The following COPG1 variants were observed in gnomAD, a reference collection of about 807,000 sequenced individuals.
COPG1 encodes coatomer subunit gamma-1.
In COPG1, 29 loss-of-function variants were observed where a neutral mutation model predicts 102.8. The observed-to-expected ratio is 0.28, with a 90% CI of 0.21 to 0.38. The LOEUF (loss-of-function observed/expected upper bound fraction) is 0.38. Among genes scored for constraint, COPG1 ranks in the 10% least tolerant of loss-of-function variants. The pLI, the probability that COPG1 is intolerant of heterozygous loss-of-function variation, is 1.00. For missense variants in COPG1, 875 were observed against 1,132.7 expected, an observed-to-expected ratio of 0.77 and a Z score of 3.27; for synonymous variants, 406 against 421.6, an observed-to-expected ratio of 0.96 and a Z score of 0.45.
intron 4 of COPG1, 80 bp downstream of exon 4, chr3:129,252,774 C>A: frequency 6.5e-7 from 1 of 1,540,958 alleles, no homozygotes; most frequent in Non-Finnish European, 9.0e-7. Context: ...GCTGGCCCCA[C>A]CAGTCAGTGT....
chr3:129,264,138 T>C (rs1266162358), intron 13 of COPG1, 139 bp downstream of exon 13: 1 of 706,966 alleles, frequency 1.4e-6, no homozygotes, highest in Non-Finnish European at 2.5e-6. Context: ...TGCAACCCTT[T>C]AAACTCCTTG....
intron 5 of COPG1, among the ~76,000 whole-genome samples, chr3:129,253,837 T>G (rs1446950170): frequency 6.6e-6 from 1 of 151,998 alleles, no homozygotes; most frequent in Non-Finnish European, 1.5e-5. Context: ...CCGTTTCTAC[T>G]AAAAATACAA....
intron 11 of COPG1, 41 bp downstream of exon 11, chr3:129,260,441 C>A: frequency 6.3e-7 from 1 of 1,594,730 alleles, no homozygotes; most frequent in Non-Finnish European, 8.6e-7. Context: ...CTGTCTGATC[C>A]AACTGGAGGT....
At position 129,274,856 on chromosome 3, in the gene COPG1, A is replaced by G; in HGVS notation, c.2275A>G (p.Thr759Ala). ...DEYVLEDLEV[T>A]VADHIQKVMK... ...TCTCCAGCTGGAAGATCTGGAAGTT[A>G]CTGTAGCTGATCACATTCAAAAGGT... is the stretch of plus-strand genomic sequence containing the variant. The change falls in exon 22 of 24, where the codon ACT becomes GCT. Residue 759 changes from threonine to alanine, a missense_variant. By Grantham distance (58) the Thr-to-Ala change is moderately conservative. Coordinates refer to ENST00000314797, the MANE Select transcript of COPG1 (RefSeq NM_016128.4). 6.2e-7 allele frequency: 1 copy of G among 1,614,160 alleles called. No homozygotes were observed. The highest frequency in any genetic ancestry group is 8.5e-7 in the Non-Finnish European group (1 of 1,180,016).
At position 129,275,677 on chromosome 3, in the gene COPG1, G is replaced by A. The variant is rs1940259020; in HGVS notation, c.2494+385G>A. ...GAGATCTTCCCCGTCAATATGTAGA[G>A]CTTCCTCATTCTTTTTCTTTTAATT... On this transcript the variant is annotated intron_variant, in intron 23 of 23. Coordinates refer to ENST00000314797, the MANE Select transcript of COPG1 (RefSeq NM_016128.4). The surrounding 1 kb of genome is among the most constrained non-coding windows in gnomAD (Gnocchi z 5.0). Among the ~76,000 whole-genome samples the A allele has an allele frequency of 6.6e-6, 1 of 152,122 alleles. No individual in the cohort carries two copies.
chr3:129,255,878 GT>G (rs1939799236), intron 7 of COPG1, among the ~76,000 whole-genome samples, 189 bp from the exon 8 acceptor site: 1 of 152,042 alleles, frequency 6.6e-6, no homozygotes, highest in Non-Finnish European at 1.5e-5. Context: ...AGAGTCGTGG[GT>G]GGATGGTGTT....
chr3:129,250,447 C>T (rs976733803), intron 1 of COPG1, among the ~76,000 whole-genome samples: 1 of 152,178 alleles, frequency 6.6e-6, no homozygotes, highest in Non-Finnish European at 1.5e-5. Context: ...ATGAGAAGCA[C>T]AGGACTGTAC....
At position 129,268,980 on chromosome 3, in the gene COPG1, C is replaced by T. The variant is rs578169274; in HGVS notation, c.1823C>T (p.Thr608Ile). 1.9e-6 allele frequency: 3 copies of T among 1,614,084 alleles called. No individual in the cohort carries two copies. In the South Asian group the frequency reaches 3.3e-5, roughly 18 times the overall value. Residue 608 changes from threonine to isoleucine, a missense_variant, in exon 18 of 24, where the codon ACC (threonine) becomes ATC (isoleucine). Physicochemically the swap from Thr to Ile is moderately conservative, Grantham distance 89. Transcript: ENST00000314797. The stretch of plus-strand genomic sequence containing the variant: ...AAACAGCCTGAGAAAGTGGCAGCTA[C>T]CAGGCAGGAGATCTTCCAGGGTGAG... ...AVKQPEKVAA[T>I]RQEIFQEQLA...
chr3:129,275,189 T>A lies in COPG1; in HGVS notation c.2396-5T>A, dbSNP rs1374919585. The A allele has an allele frequency of 6.2e-7, 1 of 1,613,112 alleles. No individual in the cohort carries two copies. The highest frequency in any genetic ancestry group is 1.3e-5 in the African/African-American group (1 of 74,904). The stretch of plus-strand genomic sequence containing the variant: ...GCTTAACAATATTGGGATTTCTCAT[T>A]ACAGAGGCTGTGGGTAATATTGTGA... On this transcript the variant is annotated splice_region_variant and splice_polypyrimidine_tract_variant and intron_variant, in intron 22 of 23. Transcript: ENST00000314797. The surrounding 1 kb of genome is among the most constrained non-coding windows in gnomAD (Gnocchi z 5.0).
At chr3:129,266,526 A>G (rs943741074) in intron 14 of COPG1, among the ~76,000 whole-genome samples, 1 of 152,186 alleles carries the variant, frequency 6.6e-6, no homozygotes, top group Non-Finnish European at 1.5e-5. Context: ...TCACCCATTT[A>G]TATAAAGTTT....
chr3:129,266,216 C>T (rs564992978), intron 14 of COPG1, among the ~76,000 whole-genome samples: 7 of 152,208 alleles, frequency 4.6e-5, no homozygotes, highest in Non-Finnish European at 5.9e-5. Context: ...ATCATCTGCC[C>T]GCCTCGGCCT....
intron 21 of COPG1, 85 bp downstream of exon 21, chr3:129,272,989 G>A (rs1940209877): frequency 3.1e-6 from 2 of 644,948 alleles, no homozygotes; most frequent in Admixed American, 2.8e-5. Flanking sequence ...GACTGGAGCT[G>A]TTTTTGGCTT....
intron 10 of COPG1, 98 bp downstream of exon 10, chr3:129,257,958 C>T: frequency 6.7e-7 from 1 of 1,493,640 alleles, no homozygotes; most frequent in African/African-American, 1.4e-5. Flanking sequence ...ATGCTCTTAA[C>T]AAGTGTTAAG....
At chr3:129,255,576 T>C (rs1939793231) in intron 7 of COPG1, among the ~76,000 whole-genome samples, 1 of 151,714 alleles carries the variant, frequency 6.6e-6, no homozygotes, top group Non-Finnish European at 1.5e-5. Flanking sequence ...TCTGCCTCCC[T>C]GGCTCAAGCG....
intron 1 of COPG1, 81 bp downstream of exon 1, chr3:129,249,827 G>C: frequency 6.9e-7 from 1 of 1,448,080 alleles, no homozygotes; most frequent in Non-Finnish European, 9.4e-7. Flanking sequence ...TCCTGACCCG[G>C]AGGCTGAGGC....
intron 5 of COPG1, 26 bp from the exon 6 acceptor site, chr3:129,254,642 T>C: frequency 6.2e-7 from 1 of 1,600,336 alleles, no homozygotes; most frequent in Non-Finnish European, 8.6e-7. Context: ...GCTCTCTGCA[T>C]GCTGACAATG....
chr3:129,257,649 C>A, intron 9 of COPG1, 22 bp downstream of exon 9: 1 of 1,614,132 alleles, frequency 6.2e-7, no homozygotes. Flanking sequence ...CATCTCTCAC[C>A]AGCTAGATGA....
intron 11 of COPG1, 100 bp downstream of exon 11, chr3:129,260,500 G>T: frequency 2.6e-6 from 4 of 1,511,736 alleles, no homozygotes; most frequent in South Asian, 1.2e-5. Context: ...CCTGGTCACA[G>T]TTAGTTTCTT....
chr3:129,257,603 A>G lies in COPG1; in HGVS notation c.713A>G (p.Lys238Arg). 1.2e-6 allele frequency: 2 copies of G among 1,614,232 alleles called. No homozygotes were observed. The highest frequency in any genetic ancestry group is 1.7e-6 in the Non-Finnish European group (2 of 1,180,038). The change falls in exon 9 of 24, where the codon AAG (lysine) becomes AGG (arginine). Residue 238 changes from lysine (K) to arginine (R), a missense_variant. Physicochemically the swap from Lys to Arg is conservative, Grantham distance 26 (BLOSUM62 2). Transcript: ENST00000314797. ...AYCMMIRVAS[K>R]QLEEEDGSRD... ...TGCATGATGATCCGGGTGGCCAGCA[A>G]GCAGCTGGAAGAGGAGGATGGCAGG...
Sources: allele counts gnomAD v4.1 joint callset (sites outside exome capture counted in the v4.1 genomes callset), GRCh38; gene constraint gnomAD v4.1.1; non-coding constraint Gnocchi (gnomAD v3.1); transcripts MANE v1.5; gene names NCBI Gene and HGNC (gene_info 2026-07-23, HGNC 2026-07-21).